Variants in PID1 observed in about 807,000 individuals in gnomAD.
PID1 encodes the protein PTB-containing, cubilin and LRP1-interacting protein.
In PID1, 10 loss-of-function variants were observed where a neutral mutation model predicts 19.1. That is an observed-to-expected ratio of 0.52 (90% CI 0.32 to 0.89). The LOEUF is 0.89. Among genes scored for constraint, PID1 ranks in the 40% least tolerant of loss-of-function variants. PID1 has a pLI of 0.03. For missense variants in PID1, 248 were observed against 285.3 expected, an observed-to-expected ratio of 0.87 and a Z score of 0.94; for synonymous variants, 130 against 116.0, an observed-to-expected ratio of 1.12 and a Z score of -0.78.
At chr2:229,252,343 T>C (rs6739881) in intron 1 of PID1, among the ~76,000 whole-genome samples, 38,596 of 152,136 alleles carry the variant, frequency 0.25, 5,709 homozygotes, top group Non-Finnish European at 0.34. Context: ...TCCACCTTAC[T>C]TGCAAAGTTG....
intron 1 of PID1, among the ~76,000 whole-genome samples, chr2:229,248,164 T>C (rs192339034): frequency 9.8e-5 from 15 of 152,322 alleles, no homozygotes; most frequent in African/African-American, 2.6e-4. Context: ...AGTGAAGTCA[T>C]TTATACTAAT....
At chr2:229,123,135 T>C (rs1695556198) in intron 2 of PID1, among the ~76,000 whole-genome samples, 1 of 151,492 alleles carries the variant, frequency 6.6e-6, no homozygotes, top group African/African-American at 2.4e-5. Context: ...TTTCTATCAC[T>C]CCAAAAAAAA....
rs549296399 is a variant in PID1 at position 229,123,992 on chromosome 2, G to T, written c.177+31826C>A. 2.6e-5 allele frequency among the ~76,000 whole-genome samples: 4 copies of T among 152,230 alleles called. 1 individual carries two copies. In the South Asian group the frequency reaches 8.3e-4, roughly 32 times the overall value. ...TAGGCTAATGCTGGGTAATGAACCT[G>T]CTTTAGGGAAGGCTGTCTTGGCAGG... On this transcript the variant is annotated intron_variant, in intron 2 of 2. Transcript: ENST00000392055.
intron 2 of PID1, among the ~76,000 whole-genome samples, chr2:229,075,824 C>T (rs1313729391): frequency 6.6e-6 from 1 of 152,234 alleles, no homozygotes; most frequent in Non-Finnish European, 1.5e-5. Context: ...TCACACTTGT[C>T]CCTGCCCTCC....
At chr2:229,204,362 A>T (rs1361380342) in intron 1 of PID1, among the ~76,000 whole-genome samples, 1 of 152,110 alleles carries the variant, frequency 6.6e-6, no homozygotes, top group African/African-American at 2.4e-5. Context: ...ACACATCTTA[A>T]TCCACTCTAG....
chr2:229,098,523 T>C (rs1223557619), intron 2 of PID1, among the ~76,000 whole-genome samples: 2 of 152,188 alleles, frequency 1.3e-5, no homozygotes, highest in Non-Finnish European at 2.9e-5. Flanking sequence ...CGTAATTTTC[T>C]ATATCTCTCA....
intron 1 of PID1, among the ~76,000 whole-genome samples, chr2:229,267,515 C>G (rs1485030836): frequency 2.0e-5 from 3 of 152,206 alleles, no homozygotes; most frequent in African/African-American, 7.2e-5. Flanking sequence ...ACGCCTATCA[C>G]ATTCCACTCT....
At chr2:229,071,921 T>C (rs1166598881) in intron 2 of PID1, among the ~76,000 whole-genome samples, 2 of 152,268 alleles carry the variant, frequency 1.3e-5, no homozygotes, top group African/African-American at 4.8e-5. Flanking sequence ...AATCATTTTC[T>C]ATGCCATCCT....
intron 1 of PID1, among the ~76,000 whole-genome samples, chr2:229,232,466 T>C (rs1423539878): frequency 6.9e-6 from 1 of 144,062 alleles, no homozygotes; most frequent in African/African-American, 2.5e-5. Flanking sequence ...AAGTCTCTCT[T>C]AAGGTCATCA....
At chr2:229,159,072 A>T (rs959903673) in intron 1 of PID1, among the ~76,000 whole-genome samples, 6 of 152,234 alleles carry the variant, frequency 3.9e-5, no homozygotes, top group African/African-American at 1.4e-4. Flanking sequence ...TACATTTTAA[A>T]ATTAATTAAA....
At chr2:229,163,674 T>TGTGTGTGTGTGCGC (rs374622113) in intron 1 of PID1, among the ~76,000 whole-genome samples, 88 of 94,486 alleles carry the variant, frequency 9.3e-4, no homozygotes, top group African/African-American at 1.5e-3. Context: ...TGTGTGTGTG[T>TGTGTGTGTGTGCGC]GCGTGTGCGT....
rs950799248 is a variant in PID1 at position 229,036,103 on chromosome 2, G to A, written c.178-9995C>T. Among the ~76,000 whole-genome samples, 10 of 152,204 alleles carry A rather than the reference G, an allele frequency of 6.6e-5. No individual in the cohort carries two copies. The East Asian group carries it at 7.7e-4, about 12-fold the overall frequency. On this transcript the variant is annotated intron_variant, in intron 2 of 2. Coordinates refer to ENST00000392055, the MANE Select transcript of PID1 (RefSeq NM_001100818.2). The stretch of plus-strand genomic sequence containing the variant: ...TATGCTGGTTATTACCCTGCCTCTC[G>A]TGCATTGTATATCAACATACTAGAC...
intron 2 of PID1, among the ~76,000 whole-genome samples, chr2:229,126,076 C>T (rs1339152751): frequency 4.6e-5 from 7 of 152,106 alleles, no homozygotes; most frequent in Non-Finnish European, 7.4e-5. Context: ...CGCAAAGATC[C>T]TAAAATGTGA....
intron 1 of PID1, among the ~76,000 whole-genome samples, chr2:229,219,492 AAATGTGGGG>A (rs1296025033): frequency 6.6e-6 from 1 of 152,212 alleles, no homozygotes; most frequent in African/African-American, 2.4e-5. Context: ...CCCTCCCACA[AAATGTGGGG>A]ATTATGGGAA....
intron 1 of PID1, among the ~76,000 whole-genome samples, chr2:229,264,581 G>A (rs761619943): frequency 1.3e-5 from 2 of 152,090 alleles, no homozygotes; most frequent in East Asian, 1.9e-4. Context: ...CATTCTGTGC[G>A]TCGCACTTTC....
intron 2 of PID1, among the ~76,000 whole-genome samples, chr2:229,132,671 C>A (rs781395985): frequency 2.6e-5 from 4 of 152,144 alleles, no homozygotes; most frequent in African/African-American, 9.7e-5. Flanking sequence ...TACACAGAGG[C>A]ATATAATTTT....
At chr2:229,140,719 C>A (rs1689994063) in intron 2 of PID1, among the ~76,000 whole-genome samples, 1 of 152,142 alleles carries the variant, frequency 6.6e-6, no homozygotes, top group Non-Finnish European at 1.5e-5. Context: ...ACAAGATATA[C>A]ATACAATATT....
chr2:229,235,588 T>G (rs1037210332), intron 1 of PID1, among the ~76,000 whole-genome samples: 2 of 152,196 alleles, frequency 1.3e-5, no homozygotes, highest in African/African-American at 4.8e-5. Context: ...CTAAAATTAA[T>G]CCTTGAAATA....
At chr2:229,190,190 A>G (rs1388809913) in intron 1 of PID1, among the ~76,000 whole-genome samples, 2 of 152,236 alleles carry the variant, frequency 1.3e-5, no homozygotes, top group African/African-American at 4.8e-5. Flanking sequence ...TCCCTTTTAA[A>G]TAAATGTATT....
Sources: allele counts gnomAD v4.1 joint callset (sites outside exome capture counted in the v4.1 genomes callset), GRCh38; gene constraint gnomAD v4.1.1; transcripts MANE v1.5; gene names NCBI Gene and HGNC (gene_info 2026-07-23, HGNC 2026-07-21).